The following PARD6B variants were observed in gnomAD, a reference collection of about 807,000 sequenced individuals.
PARD6B encodes the protein par-6 family cell polarity regulator beta.
PARD6B carries 4 observed loss-of-function variants against 10.5 expected under a neutral mutation model. The ratio of observed to expected loss-of-function variants is 0.38; its 90% CI spans 0.19 to 0.87. The LOEUF (loss-of-function observed/expected upper bound fraction) is 0.87, where lower values mean the gene tolerates loss of function less well. Ranked by LOEUF, PARD6B falls within the 40% of genes least tolerant of loss-of-function variation. The pLI is 0.41. For missense variants in PARD6B, 396 were observed against 470.6 expected (o/e 0.84, Z 1.47); for synonymous variants, 169 against 170.4 (o/e 0.99, Z 0.07).
intron 2 of PARD6B, among the ~76,000 whole-genome samples, chr20:50,743,659 C>T (rs971044057): frequency 1.3e-5 from 2 of 151,922 alleles, no homozygotes; most frequent in African/African-American, 2.4e-5. Context: ...GTGGCCGAGG[C>T]GGGCGAATCA....
Position 50,752,019 on chromosome 20 carries a change from G to A in PARD6B, c.*1531G>A. On this transcript the variant is annotated 3_prime_UTR_variant, in exon 3 of 3. Transcript: ENST00000371610. Reference sequence around the variant, plus strand: ...AGGAAGCTATCTTTTCTTGAGTTATGAAACTTTGCAACAGTTGTTCAAATT... The same window carrying A: ...AGGAAGCTATCTTTTCTTGAGTTATAAAACTTTGCAACAGTTGTTCAAATT... The A allele has an allele frequency of 1.0e-6, 1 of 985,356 alleles. No individual in the cohort carries two copies. Among genetic ancestry groups the A allele is most frequent in the South Asian group, 4.7e-5 (1 of 21,286 alleles). 61.0% of individuals were successfully genotyped at this position (985,356 alleles called of 1,614,324 possible).
intron 1 of PARD6B, among the ~76,000 whole-genome samples, chr20:50,737,088 T>G (rs1275636708): frequency 1.3e-5 from 2 of 152,112 alleles, no homozygotes; most frequent in African/African-American, 4.8e-5. Flanking sequence ...ATCAGAACTG[T>G]GAAGGTAAGT....
intron 2 of PARD6B, among the ~76,000 whole-genome samples, chr20:50,741,976 T>C (rs1450420772): frequency 6.6e-6 from 1 of 152,214 alleles, no homozygotes; most frequent in African/African-American, 2.4e-5. Flanking sequence ...TTTTACTGCT[T>C]GATTACAGCA....
In PARD6B at chr20:50,744,439, C is replaced by A. The variant is rs79038245; in HGVS notation, c.290-5220C>A. On this transcript the variant is annotated intron_variant, in intron 2 of 2. Transcript: ENST00000371610. Reference sequence around the variant, plus strand: ...GGCTGCAGTAGCTTCTTGTCCTCCCCCTCCACGTCCTTCTCCAGCCTGCAG... The same window carrying A: ...GGCTGCAGTAGCTTCTTGTCCTCCCACTCCACGTCCTTCTCCAGCCTGCAG... Among the ~76,000 whole-genome samples the A allele has an allele frequency of 2.6e-5, 4 of 152,072 alleles. No homozygotes were observed. The East Asian group carries it at 7.7e-4, about 29-fold the overall frequency.
chr20:50,752,500 G>T lies in PARD6B; in HGVS notation c.*2012G>T. 2.0e-6 allele frequency: 2 copies of T among 985,476 alleles called. No homozygotes were observed. Among genetic ancestry groups the T allele is most frequent in the Non-Finnish European group, 2.4e-6 (2 of 829,888 alleles). The allele number at this position is 985,476 out of a possible 1,614,324, so 61.0% of individuals were successfully genotyped here. On this transcript the variant is annotated 3_prime_UTR_variant, in exon 3 of 3. Coordinates refer to ENST00000371610, the MANE Select transcript of PARD6B (RefSeq NM_032521.3). ...CCACTTAGAACAAGCTAAGAGTAAG[G>T]CTGCTAACTTTAATTCCTTGCCTGA...
intron 2 of PARD6B, among the ~76,000 whole-genome samples, chr20:50,743,895 A>G (rs2087545961): frequency 2.0e-5 from 3 of 151,612 alleles, no homozygotes; most frequent in Non-Finnish European, 4.4e-5. Flanking sequence ...TCTCAAAAAA[A>G]AAAAAAAAAA....
intron 1 of PARD6B, among the ~76,000 whole-genome samples, chr20:50,734,593 C>A (rs2087489858): frequency 6.6e-6 from 1 of 152,060 alleles, no homozygotes; most frequent in African/African-American, 2.4e-5. Flanking sequence ...CACCTGAGCT[C>A]TAGTGATCCG....
Position 50,752,750 on chromosome 20 carries a change from G to A in PARD6B, c.*2262G>A. On this transcript the variant is annotated 3_prime_UTR_variant, in exon 3 of 3. Coordinates refer to ENST00000371610, the MANE Select transcript of PARD6B (RefSeq NM_032521.3). The stretch of plus-strand genomic sequence containing the variant: ...TTTCTCTATATGGTAAAATATATAT[G>A]AAGAAGTCTTGATTACGTGAAGATC... 1.0e-6 allele frequency: 1 copy of A among 982,062 alleles called. No individual in the cohort carries two copies. The highest frequency in any genetic ancestry group is 1.2e-6 in the Non-Finnish European group (1 of 826,524). The allele number at this position is 982,062 out of a possible 1,614,324, so 60.8% of individuals were successfully genotyped here.
At chr20:50,735,142 A>G (rs968469707) in intron 1 of PARD6B, among the ~76,000 whole-genome samples, 2 of 151,838 alleles carry the variant, frequency 1.3e-5, no homozygotes, top group Non-Finnish European at 2.9e-5. Context: ...ACAGAGGGAG[A>G]CTCTGTCTCA....
intron 1 of PARD6B, among the ~76,000 whole-genome samples, chr20:50,734,300 T>G (rs1307603730): frequency 6.6e-6 from 1 of 152,204 alleles, no homozygotes; most frequent in Non-Finnish European, 1.5e-5. Flanking sequence ...ACCACAGCTT[T>G]TTACAAAACT....
intron 2 of PARD6B, among the ~76,000 whole-genome samples, chr20:50,743,470 AT>A (rs780507813): frequency 6.6e-6 from 1 of 152,120 alleles, no homozygotes; most frequent in African/African-American, 2.4e-5. Flanking sequence ...CATCTCTTAG[AT>A]TTTGTGCATT....
Position 50,750,872 on chromosome 20 carries a change from C to A in PARD6B, c.*384C>A. 1.0e-6 allele frequency: 1 copy of A among 992,856 alleles called. No homozygotes were observed. The highest frequency in any genetic ancestry group is 1.2e-6 in the Non-Finnish European group (1 of 835,616). The allele number at this position is 992,856 out of a possible 1,614,324, so 61.5% of individuals were successfully genotyped here. On this transcript the variant is annotated 3_prime_UTR_variant, in exon 3 of 3. Transcript: ENST00000371610. ...TTCCTTTAACTGTATTTTTAAAATT[C>A]TAATGTGAAGTCTGATTCTCTCTTG...
At chr20:50,735,795 T>G (rs2087496489) in intron 1 of PARD6B, among the ~76,000 whole-genome samples, 1 of 152,252 alleles carries the variant, frequency 6.6e-6, no homozygotes, top group African/African-American at 2.4e-5. Context: ...TCCAAAAGCT[T>G]TAACAAAAAC....
intron 2 of PARD6B, among the ~76,000 whole-genome samples, chr20:50,744,665 A>G (rs1328573244): frequency 8.1e-6 from 1 of 124,078 alleles, no homozygotes; most frequent in Non-Finnish European, 1.6e-5. Context: ...CCTGCTTTTC[A>G]CCCTCTGTTC....
chr20:50,743,985 A>AT (rs1033231944), intron 2 of PARD6B, among the ~76,000 whole-genome samples: 1 of 150,252 alleles, frequency 6.7e-6, no homozygotes, highest in Non-Finnish European at 1.5e-5. Flanking sequence ...ACACATACCT[A>AT]TTTTTTAGTC....
intron 1 of PARD6B, 59 bp from the exon 2 acceptor site, chr20:50,737,798 A>G (rs1600815005): frequency 1.6e-6 from 2 of 1,213,630 alleles, no homozygotes; most frequent in East Asian, 5.4e-5. Context: ...ATGCATTTTC[A>G]AATTGGGTCC....
chr20:50,753,096 ACAT>A lies in PARD6B; in HGVS notation c.*2611_*2613del. The A allele has an allele frequency of 2.0e-6, 2 of 984,340 alleles. No homozygotes were observed. The highest frequency in any genetic ancestry group is 2.4e-6 in the Non-Finnish European group (2 of 828,834). 61.0% of individuals were successfully genotyped at this position (984,340 alleles called of 1,614,324 possible). A position where few individuals can be genotyped will look rare whatever the true frequency, so the allele number is the denominator to read the frequency against. ...CTCTCTTTTTTTTTTTAAAGTTTTA[ACAT>A]CAGAACTTTTGGGGGAAAAACTACT... On this transcript the variant is annotated 3_prime_UTR_variant, in exon 3 of 3. Coordinates refer to ENST00000371610, the MANE Select transcript of PARD6B (RefSeq NM_032521.3).
rs1414112649 is a variant in PARD6B at position 50,753,520 on chromosome 20, T to C, written c.*3032T>C. 3.2e-6 allele frequency: 3 copies of C among 937,012 alleles called. No individual in the cohort carries two copies. Among genetic ancestry groups the C allele is most frequent in the Non-Finnish European group, 3.8e-6 (3 of 785,672 alleles). 58.0% of individuals were successfully genotyped at this position (937,012 alleles called of 1,614,324 possible). A position where few individuals can be genotyped will look rare whatever the true frequency, so the allele number is the denominator to read the frequency against. ...ATGTTCTCGAGCTATCAACAAAATA[T>C]ATGTACTTTTGTGAGCTATGAATTT... On this transcript the variant is annotated 3_prime_UTR_variant, in exon 3 of 3. Transcript: ENST00000371610.
At position 50,751,722 on chromosome 20, in the gene PARD6B, G is replaced by GTTTTT. The variant is rs1568999878; in HGVS notation, c.*1234_*1235insTTTTT. The GTTTTT allele has an allele frequency of 1.3e-6, 1 of 793,172 alleles. No homozygotes were observed. Among genetic ancestry groups the GTTTTT allele is most frequent in the African/African-American group, 2.6e-5 (1 of 38,926 alleles). The allele number at this position is 793,172 out of a possible 1,614,324, so 49.1% of individuals were successfully genotyped here. On this transcript the variant is annotated 3_prime_UTR_variant, in exon 3 of 3. Transcript: ENST00000371610. Reference sequence around the variant, plus strand: ...CTTCCCATGTTATAAAGCTGAGGAAGCTTTTTTTTTTTTTTTTTGAGACAG... The same window carrying GTTTTT: ...CTTCCCATGTTATAAAGCTGAGGAAGTTTTTCTTTTTTTTTTTTTTTTTGAGACAG...
Sources: allele counts gnomAD v4.1 joint callset (sites outside exome capture counted in the v4.1 genomes callset), GRCh38; gene constraint gnomAD v4.1.1; transcripts MANE v1.5; gene names NCBI Gene and HGNC (gene_info 2026-07-23, HGNC 2026-07-21).